Variants in TG observed in about 807,000 individuals in gnomAD.
TG encodes thyroid hormones.
TG carries 270 observed loss-of-function variants against 324.7 expected under a neutral mutation model. The observed-to-expected ratio is 0.83, with a 90% CI of 0.75 to 0.92. The LOEUF (loss-of-function observed/expected upper bound fraction) is 0.92. Among genes scored for constraint, TG ranks in the 40% least tolerant of loss-of-function variants. TG has a pLI of 0.00. For synonymous variants in TG, 1,401 were observed against 1,327.0 expected (o/e 1.06, Z -1.21); for missense variants, 3,591 against 3,456.4 (o/e 1.04, Z -0.98).
chr8:133,086,360 T>G (rs1846561316), intron 41 of TG, among the ~76,000 whole-genome samples: 1 of 152,224 alleles, frequency 6.6e-6, no homozygotes, highest in Non-Finnish European at 1.5e-5. Context: ...GTGAATTATA[T>G]CACAATAATA....
chr8:132,898,943 G>C lies in TG; in HGVS notation c.3330+33G>C, dbSNP rs770497037. The C allele has an allele frequency of 1.1e-5, 17 of 1,575,480 alleles. No homozygotes were observed. The Admixed American group carries it at 1.2e-4, about 11-fold the overall frequency. The stretch of plus-strand genomic sequence containing the variant: ...TCTGGAAGCACAGGATTGGAGCCGG[G>C]ACTTGTCCCCGCTGGTCAGAGATGA... On this transcript the variant is annotated intron_variant, in intron 14 of 47. Transcript: ENST00000220616.
intron 35 of TG, chr8:132,995,127 T>G: frequency 1.0e-6 from 1 of 973,020 alleles, no homozygotes. Context: ...GCTGGGCAGA[T>G]CTCAGTCTCT....
At position 133,044,911 on chromosome 8, in the gene TG, C is replaced by T. The variant is rs2293208; in HGVS notation, c.7239+14888C>T. 332 of 1,493,012 alleles carry T rather than the reference C, an allele frequency of 2.2e-4. No homozygotes were observed. The East Asian group carries it at 3.0e-3, about 13-fold the overall frequency. 92.5% of individuals were successfully genotyped at this position (1,493,012 alleles called of 1,614,324 possible). On this transcript the variant is annotated intron_variant, in intron 41 of 47. Coordinates refer to ENST00000220616, the MANE Select transcript of TG (RefSeq NM_003235.5). ...AAGCAAGACCCCTCTGCATTCCAGACGGATGGCGCCACAGAGCAATTAGCT... is the reference window on the plus strand; with the variant it reads ...AAGCAAGACCCCTCTGCATTCCAGATGGATGGCGCCACAGAGCAATTAGCT...
chr8:133,108,998 A>C (rs1341909763), intron 43 of TG, among the ~76,000 whole-genome samples: 1 of 152,236 alleles, frequency 6.6e-6, no homozygotes, highest in African/African-American at 2.4e-5. Context: ...TTCATGCAAT[A>C]GGCATTTTTC....
chr8:132,908,950 G>A (rs760472404), intron 18 of TG, among the ~76,000 whole-genome samples: 5 of 152,282 alleles, frequency 3.3e-5, no homozygotes, highest in Middle Eastern at 3.4e-3. Context: ...TCTGTGATGG[G>A]CACATACTTA....
At position 133,093,597 on chromosome 8, in the gene TG, G is replaced by A. The variant is rs143260777; in HGVS notation, c.7240-1447G>A. ...TCTGGCACCAGGTCTCACAGCGGCC[G>A]TGTCCAGGATCCCCCAATTCCATGC... On this transcript the variant is annotated intron_variant, in intron 41 of 47. Coordinates refer to ENST00000220616, the MANE Select transcript of TG (RefSeq NM_003235.5). Among the ~76,000 whole-genome samples the A allele has an allele frequency of 2.0e-4, 30 of 152,266 alleles. No individual in the cohort carries two copies. In the East Asian group the frequency reaches 3.5e-3, roughly 18 times the overall value.
chr8:133,007,252 G>T (rs528688720), intron 35 of TG, among the ~76,000 whole-genome samples: 6 of 152,078 alleles, frequency 3.9e-5, no homozygotes, highest in Middle Eastern at 3.2e-3. Context: ...CCGGGAGAAG[G>T]GGGAGGAGAG....
At chr8:133,054,147 G>A (rs994176233) in intron 41 of TG, among the ~76,000 whole-genome samples, 2 of 152,118 alleles carry the variant, frequency 1.3e-5, no homozygotes, top group African/African-American at 4.8e-5. Context: ...GTAAAGGTGA[G>A]ACATATTATC....
intron 35 of TG, among the ~76,000 whole-genome samples, chr8:132,993,798 T>A (rs1832616112): frequency 6.6e-6 from 1 of 152,228 alleles, no homozygotes; most frequent in African/African-American, 2.4e-5. Context: ...CATCAAAAAT[T>A]TGCTTAATTA....
chr8:133,120,557 G>A (rs1851062362), intron 45 of TG, among the ~76,000 whole-genome samples: 1 of 152,264 alleles, frequency 6.6e-6, no homozygotes, highest in South Asian at 2.1e-4. Context: ...TTAGCCCCTG[G>A]TGGCCTAAGG....
At chr8:132,869,350 C>T (rs1022587280) in intron 2 of TG, among the ~76,000 whole-genome samples, 18 of 152,190 alleles carry the variant, frequency 1.2e-4, no homozygotes, top group African/African-American at 4.3e-4. Context: ...ACTAACATCC[C>T]ACCCCCAAGC....
rs2130500334 is a variant in TG, at chr8:132,969,465, G to A, written c.5871G>A (p.Leu1957=). The change falls in exon 32 of 48, where the codon CTG becomes CTA. Residue 1957 remains leucine (L), a synonymous_variant. Coordinates refer to ENST00000220616, the MANE Select transcript of TG (RefSeq NM_003235.5). ...PKALFRKKVI[L]EDKVKNFYTR... ...CTTTCTTCCTCTATGAAGTTATACT[G>A]GAAGATAAAGTGAAGAACTTTTACA... 6.2e-7 allele frequency: 1 copy of A among 1,610,432 alleles called. No homozygotes were observed. Among genetic ancestry groups the A allele is most frequent in the Non-Finnish European group, 8.5e-7 (1 of 1,176,762 alleles).
rs148846353 is a variant in TG at position 133,082,622 on chromosome 8, C to T, written c.7240-12422C>T. Among the ~76,000 whole-genome samples the T allele has an allele frequency of 1.8e-3, 278 of 152,278 alleles. 7 individuals carry two copies. Among genetic ancestry groups the T allele is most frequent in the Admixed American group, 0.017 (262 of 15,304 alleles). Reference sequence around the variant, plus strand: ...TTTGCGGCTAGCTTCCCCACGTCACCGGAGTCAGGCCTCTTAAACACTCTG... The same window carrying T: ...TTTGCGGCTAGCTTCCCCACGTCACTGGAGTCAGGCCTCTTAAACACTCTG... On this transcript the variant is annotated intron_variant, in intron 41 of 47. Transcript: ENST00000220616.
intron 41 of TG, among the ~76,000 whole-genome samples, chr8:133,035,701 T>C (rs1837045523): frequency 6.6e-6 from 1 of 152,240 alleles, no homozygotes; most frequent in South Asian, 2.1e-4. Flanking sequence ...ATGCAATTTA[T>C]TTCACCTTAA....
At chr8:133,031,709 TGCCAACAGAAA>T (rs148421540) in intron 41 of TG, among the ~76,000 whole-genome samples, 1,995 of 152,232 alleles carry the variant, frequency 0.013, 53 homozygotes, top group African/African-American at 0.046. Flanking sequence ...TTGTCACCAT[TGCCAACAGAAA>T]GCCGTGTCAC....
chr8:133,107,237 GTC>G (rs1369972376), intron 43 of TG, among the ~76,000 whole-genome samples: 6 of 152,170 alleles, frequency 3.9e-5, no homozygotes, highest in African/African-American at 1.2e-4. Flanking sequence ...TTGAACCTGA[GTC>G]TCTCAAATGC....
At chr8:132,908,716 A>G (rs568723655) in intron 18 of TG, among the ~76,000 whole-genome samples, 56 of 152,306 alleles carry the variant, frequency 3.7e-4, no homozygotes, top group African/African-American at 1.3e-3. Flanking sequence ...AGATGACACT[A>G]AACAAGTACC....
intron 35 of TG, among the ~76,000 whole-genome samples, chr8:133,011,142 CTT>C (rs1362933321): frequency 1.3e-5 from 2 of 152,184 alleles, no homozygotes; most frequent in Non-Finnish European, 2.9e-5. Flanking sequence ...GGAAGAAGAA[CTT>C]TGATGCAAAT....
At chr8:132,919,234 C>T (rs1820792090) in intron 20 of TG, 142 bp from the exon 21 acceptor site, 1 of 892,510 alleles carries the variant, frequency 1.1e-6, no homozygotes, top group Middle Eastern at 3.3e-4. Context: ...GAGTCTGACA[C>T]ACAGTAGGTT....
Sources: allele counts gnomAD v4.1 joint callset (sites outside exome capture counted in the v4.1 genomes callset), GRCh38; gene constraint gnomAD v4.1.1; transcripts MANE v1.5; gene names NCBI Gene and HGNC (gene_info 2026-07-23, HGNC 2026-07-21).